Variants in FZD3 observed in about 807,000 individuals in gnomAD.
The protein encoded by FZD3 is frizzled class receptor 3.
Under a neutral mutation model 60.7 loss-of-function variants are expected in FZD3, and 30 were observed. The observed-to-expected ratio is 0.49, with a 90% confidence interval of 0.37 to 0.67. The LOEUF is 0.67. Ranked by LOEUF, FZD3 falls within the 30% of genes least tolerant of loss-of-function variation. FZD3 has a pLI of 0.00. For synonymous variants in FZD3, 246 were observed against 275.2 expected, an observed-to-expected ratio of 0.89 and a Z score of 1.05; for missense variants, 605 against 838.7, an observed-to-expected ratio of 0.72 and a Z score of 3.44.
intron 6 of FZD3, among the ~76,000 whole-genome samples, chr8:28,555,511 C>T (rs1404797447): frequency 6.6e-6 from 1 of 152,076 alleles, no homozygotes; most frequent in African/African-American, 2.4e-5. Flanking sequence ...TCCTGATTTC[C>T]TTATTCTAAC....
intron 7 of FZD3, among the ~76,000 whole-genome samples, chr8:28,561,131 A>T (rs769223891): frequency 2.0e-5 from 3 of 152,160 alleles, no homozygotes; most frequent in Non-Finnish European, 2.9e-5. Flanking sequence ...ATCTCGGCTC[A>T]CTGCAACCTC....
rs184001747 is a variant in FZD3, at chr8:28,517,259, T to C, written c.190-3379T>C. Among the ~76,000 whole-genome samples the C allele has an allele frequency of 1.5e-3, 234 of 152,364 alleles. 3 individuals carry two copies. The highest frequency in any genetic ancestry group is 5.3e-3 in the African/African-American group (220 of 41,586). On this transcript the variant is annotated intron_variant, in intron 3 of 7. Coordinates refer to ENST00000240093, the MANE Select transcript of FZD3 (RefSeq NM_017412.4). ...GTTATTTTCACTCAGCTTTTTTAAATAAGCCATTCCATTGTTATGTGGTTT... is the reference window on the plus strand; with the variant it reads ...GTTATTTTCACTCAGCTTTTTTAAACAAGCCATTCCATTGTTATGTGGTTT...
At chr8:28,540,889 G>A (rs1201931569) in intron 5 of FZD3, among the ~76,000 whole-genome samples, 1 of 152,192 alleles carries the variant, frequency 6.6e-6, no homozygotes, top group Non-Finnish European at 1.5e-5. Context: ...AGGTTGCAGT[G>A]AGCCGAGAAT....
chr8:28,537,099 T>C (rs1001821691), intron 5 of FZD3, among the ~76,000 whole-genome samples: 13 of 152,244 alleles, frequency 8.5e-5, no homozygotes, highest in Admixed American at 6.5e-4. Context: ...AATTATTTAG[T>C]TTCTGTAATA....
At chr8:28,543,731 A>C (rs1319687728) in intron 5 of FZD3, among the ~76,000 whole-genome samples, 1 of 152,142 alleles carries the variant, frequency 6.6e-6, no homozygotes, top group East Asian at 1.9e-4. Context: ...AAAAAAAAAA[A>C]ATGTATACAG....
In FZD3 at chr8:28,573,920, GT is replaced by G. The variant is rs1485275062; in HGVS notation, c.*10912del. ...TCATATAAACATCTAATTAGAAAGT[GT>G]TTATGCTAAAGACTTGTATTTTGTG... On this transcript the variant is annotated 3_prime_UTR_variant, in exon 8 of 8. Transcript: ENST00000240093. 2 of 152,128 alleles carry G rather than the reference GT, an allele frequency of 1.3e-5. No homozygotes were observed. The highest frequency in any genetic ancestry group is 2.9e-5 in the Non-Finnish European group (2 of 68,000). The allele number at this position is 152,128 out of a possible 1,614,324, so 9.4% of individuals were successfully genotyped here.
At chr8:28,523,598 T>TAA (rs767039843) in intron 4 of FZD3, among the ~76,000 whole-genome samples, 2 of 139,998 alleles carry the variant, frequency 1.4e-5, no homozygotes, top group South Asian at 2.3e-4. Flanking sequence ...TCCAGCTAAT[T>TAA]AAAAAAAAAA....
chr8:28,499,007 A>G (rs772569321), intron 1 of FZD3, among the ~76,000 whole-genome samples: 13 of 152,242 alleles, frequency 8.5e-5, no homozygotes, highest in Non-Finnish European at 1.5e-4. Flanking sequence ...TAGGTACAGT[A>G]GAGCAGTAGT....
intron 5 of FZD3, among the ~76,000 whole-genome samples, chr8:28,532,515 C>T (rs1804904732): frequency 1.3e-5 from 2 of 151,968 alleles, no homozygotes; most frequent in Admixed American, 1.3e-4. Context: ...TAACCATGAA[C>T]TCCCAGGCTC....
At chr8:28,504,174 G>A (rs990377249) in intron 3 of FZD3, among the ~76,000 whole-genome samples, 6 of 152,092 alleles carry the variant, frequency 3.9e-5, no homozygotes, top group Admixed American at 1.3e-4. Context: ...AAGAAAATTT[G>A]TAAGATTATT....
chr8:28,503,349 T>C (rs1804049744), intron 3 of FZD3, 147 bp downstream of exon 3: 1 of 501,790 alleles, frequency 2.0e-6, no homozygotes, highest in Non-Finnish European at 3.5e-6. Context: ...TGTATATGTT[T>C]TGCTTCAGAC....
intron 5 of FZD3, among the ~76,000 whole-genome samples, chr8:28,536,089 T>TTATA (rs1805004219): frequency 2.0e-5 from 3 of 152,224 alleles, no homozygotes; most frequent in Non-Finnish European, 4.4e-5. Flanking sequence ...ACCGGAGTGC[T>TTATA]TTGCACAAAG....
At chr8:28,532,758 C>T (rs1028809603) in intron 5 of FZD3, among the ~76,000 whole-genome samples, 6 of 152,122 alleles carry the variant, frequency 3.9e-5, no homozygotes, top group Non-Finnish European at 7.4e-5. Context: ...CCTTGTTGAA[C>T]TCCTATTAGT....
At chr8:28,519,706 G>T (rs943939981) in intron 3 of FZD3, among the ~76,000 whole-genome samples, 1 of 148,562 alleles carries the variant, frequency 6.7e-6, no homozygotes, top group African/African-American at 2.5e-5. Flanking sequence ...CTCTGGCCTG[G>T]GTGACAGAGC....
chr8:28,526,961 CA>C (rs1401842367), intron 4 of FZD3, among the ~76,000 whole-genome samples, 185 bp from the exon 5 acceptor site: 2 of 152,060 alleles, frequency 1.3e-5, no homozygotes, highest in African/African-American at 2.4e-5. Flanking sequence ...ATTTTTTGCT[CA>C]ACTGTCGAAA....
chr8:28,517,899 T>A (rs1339281324), intron 3 of FZD3, among the ~76,000 whole-genome samples: 1 of 152,186 alleles, frequency 6.6e-6, no homozygotes, highest in African/African-American at 2.4e-5. Context: ...TATATCACCC[T>A]GTCTCTTGGG....
intron 5 of FZD3, among the ~76,000 whole-genome samples, chr8:28,536,601 C>A (rs1276055867): frequency 6.6e-6 from 1 of 152,000 alleles, no homozygotes. Flanking sequence ...CCCAGCTACT[C>A]AGGAGGCTGA....
intron 3 of FZD3, chr8:28,505,106 T>C (rs1804100885): frequency 1.3e-5 from 2 of 154,848 alleles, no homozygotes; most frequent in South Asian, 4.1e-4. Flanking sequence ...GTGTAACGTT[T>C]CTTTAATAGC....
chr8:28,556,847 G>A (rs943740878), intron 7 of FZD3, among the ~76,000 whole-genome samples: 8 of 152,218 alleles, frequency 5.3e-5, no homozygotes, highest in Non-Finnish European at 8.8e-5. Context: ...AATTCTGGTG[G>A]CTAGGGAGGG....
Sources: gnomAD v4.1 joint callset for allele counts (sites outside exome capture counted in the v4.1 genomes callset) on GRCh38, gnomAD v4.1.1 for gene constraint, MANE v1.5 for transcripts, NCBI Gene and HGNC (gene_info 2026-07-23, HGNC 2026-07-21) for gene names.